SSC5D: variants seen among roughly 807,000 people sequenced by gnomAD.
The protein encoded by SSC5D is scavenger receptor cysteine rich family member with 5 domains, also known as soluble scavenger receptor cysteine-rich domain-containing protein SSC5D.
Under a neutral mutation model 104.6 loss-of-function variants are expected in SSC5D, and 106 were observed. The observed-to-expected ratio is 1.01, with a 90% CI of 0.87 to 1.19. The LOEUF is 1.19. Ranked by LOEUF, SSC5D falls within the 50% of genes most tolerant of loss-of-function variation. The pLI is 0.00. For missense variants in SSC5D, 1,993 were observed against 2,153.8 expected (o/e 0.93, Z 1.48); for synonymous variants, 860 against 883.5 (o/e 0.97, Z 0.47).
At position 55,489,477 on chromosome 19, in the gene SSC5D, G is replaced by A. The variant is rs751745617; in HGVS notation, c.176G>A (p.Arg59Gln). The change falls in exon 3 of 14, where the codon CGG becomes CAG. Residue 59 changes from arginine (R) to glutamine (Q), a missense_variant. Physicochemically the swap from Arg to Gln is conservative, Grantham distance 43. This residue lies in a region of SSC5D where 1,101 missense variants were observed against 1,085.0 expected (regional missense o/e 1.01). Transcript: ENST00000389623. Reference protein sequence around the residue: ...WDLRDAAVACRQLGCGGALAA... With the variant: ...WDLRDAAVACQQLGCGGALAA... ...CTGCGCGATGCCGCCGTGGCCTGCCGGCAGCTGGGCTGCGGAGGGGCACTG... is the reference window on the plus strand; with the variant it reads ...CTGCGCGATGCCGCCGTGGCCTGCCAGCAGCTGGGCTGCGGAGGGGCACTG... The A allele has an allele frequency of 6.8e-6, 10 of 1,472,700 alleles. No homozygotes were observed. Among genetic ancestry groups the A allele is most frequent in the Non-Finnish European group, 8.9e-6 (10 of 1,119,544 alleles). 91.2% of individuals were successfully genotyped at this position (1,472,700 alleles called of 1,614,324 possible).
At chr19:55,504,213 C>A (rs1372693651) in intron 12 of SSC5D, 12 of 1,532,568 alleles carry the variant, frequency 7.8e-6, no homozygotes, top group Middle Eastern at 1.7e-4. Context: ...GTGGTGGAGG[C>A]GGGCACGTGC....
rs780371425 is a variant in SSC5D, at chr19:55,518,053, C to T, written c.3777C>T (p.Pro1259=). 4.8e-5 allele frequency: 74 copies of T among 1,541,776 alleles called. No individual in the cohort carries two copies. In the Middle Eastern group the frequency reaches 8.3e-4, roughly 17 times the overall value. Residue 1259 remains proline, a synonymous_variant, in exon 14 of 14, where the codon CCC becomes CCT. Coordinates refer to ENST00000389623, the MANE Select transcript of SSC5D (RefSeq NM_001144950.2). ...TITHSTMIPD[P]TTTPQPFTTM... ...CTCACTCCACCATGATTCCTGACCC[C>T]ACCACAACCCCTCAACCCTTCACCA...
chr19:55,513,017 A>G lies in SSC5D; in HGVS notation c.2792A>G (p.Lys931Arg). Residue 931 changes from lysine to arginine, a missense_variant, in exon 13 of 14, where the codon AAA becomes AGA. Around this residue, in one of 6 missense-constraint regions of SSC5D, gnomAD observed 423 missense variants for 409.2 expected, o/e 1.03. Transcript: ENST00000389623. ...AIRRLPDTGS[K>R]DGYKLPWTWD... ...CTTCCCCATATCTCTCTAGGCAGCA[A>G]AGATGGTTACAAGCTTCCCTGGACG... The G allele has an allele frequency of 4.5e-6, 7 of 1,552,076 alleles. No homozygotes were observed. The highest frequency in any genetic ancestry group is 5.2e-6 in the Non-Finnish European group (6 of 1,147,064).
At chr19:55,497,071 T>A (rs1382987615) in intron 8 of SSC5D, among the ~76,000 whole-genome samples, 1 of 152,256 alleles carries the variant, frequency 6.6e-6, no homozygotes, top group Non-Finnish European at 1.5e-5. Context: ...TGCTGCTCCC[T>A]GTCTTTTAAA....
At chr19:55,502,553 G>T (rs1441753009) in intron 12 of SSC5D, among the ~76,000 whole-genome samples, 1 of 151,716 alleles carries the variant, frequency 6.6e-6, no homozygotes, top group Non-Finnish European at 1.5e-5. Flanking sequence ...TTCTCACCTA[G>T]TTTTTCCTGG....
At position 55,490,763 on chromosome 19, in the gene SSC5D, A is replaced by G. The variant is rs1352101573; in HGVS notation, c.587-9A>G. ...TGGCCACACCGTCCCCTCCCTGCTC[A>G]CCCCACAGAGCGGCTGCGCCTGGTC... On this transcript the variant is annotated splice_polypyrimidine_tract_variant and intron_variant, in intron 5 of 13. Transcript: ENST00000389623. 8 of 1,498,120 alleles carry G rather than the reference A, an allele frequency of 5.3e-6. No individual in the cohort carries two copies. In the South Asian group the frequency reaches 9.1e-5, roughly 17 times the overall value. 92.8% of individuals were successfully genotyped at this position (1,498,120 alleles called of 1,614,324 possible).
chr19:55,514,614 AGAG>A (rs1283260857), intron 13 of SSC5D, among the ~76,000 whole-genome samples: 1 of 146,390 alleles, frequency 6.8e-6, no homozygotes, highest in East Asian at 2.0e-4. Flanking sequence ...AAAAAAAAAA[AGAG>A]AGAGAGAGAA....
In SSC5D at chr19:55,493,882, C is replaced by A. The variant is rs1264107754; in HGVS notation, c.1183C>A (p.His395Asn). 9 of 1,547,262 alleles carry A rather than the reference C, an allele frequency of 5.8e-6. No homozygotes were observed. Among genetic ancestry groups the A allele is most frequent in the African/African-American group, 1.4e-5 (1 of 72,856 alleles). Reference sequence around the variant, plus strand: ...GCCCTGGGGCCAGCATGACTGTCACCACCGCGAGGACGCCGGGGCCGTGTG... The same window carrying A: ...GCCCTGGGGCCAGCATGACTGTCACAACCGCGAGGACGCCGGGGCCGTGTG... ...ARPWGQHDCH[H>N]REDAGAVCDG... The change falls in exon 7 of 14, where the codon CAC becomes AAC. Residue 395 changes from histidine to asparagine, a missense_variant. Physicochemically the swap from His to Asn is moderately conservative, Grantham distance 68 (BLOSUM62 1). Coordinates refer to ENST00000389623, the MANE Select transcript of SSC5D (RefSeq NM_001144950.2).
In SSC5D at chr19:55,500,433, TGGG is replaced by T. The variant is rs1451004728; in HGVS notation, c.2302+23_2302+25del. ...ATCAGGTGAGTGGCCGTGAGGGGTG[TGGG>T]GAGAGAATGGGAGAGGCTGACCCTC... On this transcript the variant is annotated intron_variant, in intron 10 of 13. Coordinates refer to ENST00000389623, the MANE Select transcript of SSC5D (RefSeq NM_001144950.2). The surrounding 1 kb of genome is among the most constrained non-coding windows in gnomAD (Gnocchi z 4.6). 1 of 1,548,638 alleles carries T rather than the reference TGGG, an allele frequency of 6.5e-7. No homozygotes were observed. Among genetic ancestry groups the T allele is most frequent in the Admixed American group, 2.0e-5 (1 of 50,856 alleles).
intron 8 of SSC5D, among the ~76,000 whole-genome samples, chr19:55,497,051 G>A (rs903911489): frequency 3.3e-5 from 5 of 152,196 alleles, no homozygotes; most frequent in Non-Finnish European, 7.3e-5. Context: ...GGGAGCCACC[G>A]TGCCGGGCCT....
Position 55,518,387 on chromosome 19 carries a change from C to T in SSC5D, c.4111C>T (p.Pro1371Ser). The T allele has an allele frequency of 6.4e-7, 1 of 1,551,282 alleles. No homozygotes were observed. The highest frequency in any genetic ancestry group is 1.4e-5 in the African/African-American group (1 of 73,048). The change falls in exon 14 of 14, where the codon CCT (proline) becomes TCT (serine). Residue 1371 changes from proline (P) to serine (S), a missense_variant. Coordinates refer to ENST00000389623, the MANE Select transcript of SSC5D (RefSeq NM_001144950.2). ...GCACCCCCAGTTGACCTTCACAGCACCTGCCCCTCACACCTCCACATCCCA... is the reference window on the plus strand; with the variant it reads ...GCACCCCCAGTTGACCTTCACAGCATCTGCCCCTCACACCTCCACATCCCA... ...SLHPQLTFTA[P>S]APHTSTSQIP...
rs1472128680 is a variant in SSC5D at position 55,501,104 on chromosome 19, G to T, written c.2688G>T (p.Gly896=). Residue 896 remains glycine, a synonymous_variant, in exon 12 of 14, where the codon GGG becomes GGT. Transcript: ENST00000389623. ...CCTCAAGAGAGGACCTGGCCAAGGG[G>T]ACTACCACAGCGGGGGTACCTGGAC... ...DPTSREDLAK[G]TTTAGVPGHT... 2 of 1,551,706 alleles carry T rather than the reference G, an allele frequency of 1.3e-6. No individual in the cohort carries two copies.
intron 9 of SSC5D, among the ~76,000 whole-genome samples, chr19:55,498,773 A>G (rs1987393635): frequency 6.6e-6 from 1 of 152,236 alleles, no homozygotes; most frequent in African/African-American, 2.4e-5. Flanking sequence ...GTGACTCGTT[A>G]TAGTTTGAGG....
At chr19:55,515,817 CAT>C (rs1302032534) in intron 13 of SSC5D, among the ~76,000 whole-genome samples, 1 of 152,198 alleles carries the variant, frequency 6.6e-6, no homozygotes, top group Admixed American at 6.5e-5. Context: ...TTGGTAGCCA[CAT>C]GTGGCCAGTG....
Position 55,498,179 on chromosome 19 carries a change from G to C in SSC5D, c.1687G>C (p.Val563Leu), listed in dbSNP as rs1345432420. The stretch of plus-strand genomic sequence containing the variant: ...GCACAACTGCGCTCACAATGAGGAT[G>C]TTGGGGTCACCTGCACTGGTAAGGA... ...GKHNCAHNED[V>L]GVTCTGPPGL... Residue 563 changes from valine to leucine, a missense_variant, in exon 9 of 14, where the codon GTT (valine) becomes CTT (leucine). This residue lies in a region of SSC5D where 1,101 missense variants were observed against 1,085.0 expected (regional missense o/e 1.01). Transcript: ENST00000389623. The C allele has an allele frequency of 2.6e-6, 4 of 1,551,782 alleles. No individual in the cohort carries two copies. Among genetic ancestry groups the C allele is most frequent in the Non-Finnish European group, 3.5e-6 (4 of 1,147,008 alleles).
At position 55,504,276 on chromosome 19, in the gene SSC5D, G is replaced by A. The variant is rs1003529109; in HGVS notation, c.2785+3075G>A. 8.2e-5 allele frequency: 121 copies of A among 1,478,032 alleles called. 1 individual carries two copies. In the South Asian group the frequency reaches 1.5e-3, roughly 18 times the overall value. 91.6% of individuals were successfully genotyped at this position (1,478,032 alleles called of 1,614,324 possible). A position where few individuals can be genotyped will look rare whatever the true frequency, so the allele number is the denominator to read the frequency against. On this transcript the variant is annotated intron_variant, in intron 12 of 13. Coordinates refer to ENST00000389623, the MANE Select transcript of SSC5D (RefSeq NM_001144950.2). ...GTCCGGCCTCGGGACCCCTCCCGTA[G>A]GGTAGGGAGGCAGCCAATGAGCAGA...
At chr19:55,495,086 T>C (rs1987276726) in intron 8 of SSC5D, among the ~76,000 whole-genome samples, 1 of 151,270 alleles carries the variant, frequency 6.6e-6, no homozygotes, top group Non-Finnish European at 1.5e-5. Context: ...AGCTGCACGG[T>C]GTGGCTGTAG....
chr19:55,493,987 CGGGGGGGT>C, intron 7 of SSC5D, 75 bp downstream of exon 7: 21 of 206,418 alleles, frequency 1.0e-4, no homozygotes, highest in East Asian at 9.3e-4. Flanking sequence ...TCGGCGGGGG[CGGGGGGGT>C]CCCTACGCGC....
In SSC5D at chr19:55,490,395, A is replaced by T. The variant is rs1275599955; in HGVS notation, c.573A>T (p.Gly191=). The T allele has an allele frequency of 1.4e-6, 2 of 1,425,280 alleles. No homozygotes were observed. The highest frequency in any genetic ancestry group is 2.6e-5 in the East Asian group (1 of 37,786). The allele number at this position is 1,425,280 out of a possible 1,614,324, so 88.3% of individuals were successfully genotyped here. The change falls in exon 5 of 14, where the codon GGA becomes GGT. Residue 191 remains glycine, a synonymous_variant. Transcript: ENST00000389623. ...KSTRAPLLTT[G]APRQERLRLV... ...CCCGGGCCCCTCTGCTGACGACAGG[A>T]GCCCCCCGCCAAGGTAAGCTCCCTG...
Sources: gnomAD v4.1 joint callset for allele counts (sites outside exome capture counted in the v4.1 genomes callset) on GRCh38, gnomAD v4.1.1 for gene constraint, gnomAD v4.1.1 regional missense constraint, Gnocchi (gnomAD v3.1) non-coding constraint, MANE v1.5 for transcripts, NCBI Gene and HGNC (gene_info 2026-07-23, HGNC 2026-07-21) for gene names.